Variants in MPP7 observed in about 807,000 individuals in gnomAD.
MPP7 encodes the protein MAGUK p55 subfamily member 7.
MPP7 carries 60 observed loss-of-function variants against 76.5 expected under a neutral mutation model. That is an observed-to-expected ratio of 0.78 (90% CI 0.64 to 0.97). MPP7 has a LOEUF of 0.97. MPP7 is among the 50% of genes least tolerant of loss of function. The probability of loss-of-function intolerance (pLI) is 0.00; values close to 1 mark genes in which losing one functional copy is unlikely to be tolerated. For missense variants in MPP7, 641 were observed against 694.0 expected, an observed-to-expected ratio of 0.92 and a Z score of 0.86; for synonymous variants, 237 against 244.5, an observed-to-expected ratio of 0.97 and a Z score of 0.29.
intron 1 of MPP7, among the ~76,000 whole-genome samples, chr10:28,281,334 C>T (rs1840666440): frequency 6.6e-6 from 1 of 152,052 alleles, no homozygotes; most frequent in Admixed American, 6.6e-5. Context: ...AGTGATCCAC[C>T]CACCTCGGCC....
chr10:28,226,796 G>A (rs12357236), intron 2 of MPP7, among the ~76,000 whole-genome samples: 26,332 of 151,948 alleles, frequency 0.17, 2,553 homozygotes, highest in African/African-American at 0.26. Context: ...AGCAGAACTC[G>A]CACTATTCCC....
At chr10:28,119,974 A>G (rs112611809) in intron 10 of MPP7, among the ~76,000 whole-genome samples, 17 of 151,630 alleles carry the variant, frequency 1.1e-4, no homozygotes, top group African/African-American at 3.9e-4. Flanking sequence ...GCTATTTTCC[A>G]TTTGCTTCAT....
chr10:28,132,413 C>T (rs1329925663), intron 5 of MPP7, among the ~76,000 whole-genome samples: 4 of 152,170 alleles, frequency 2.6e-5, no homozygotes, highest in South Asian at 2.1e-4. Flanking sequence ...TTCTCAATAA[C>T]CAATATATAT....
chr10:28,214,226 A>G (rs1564706848), intron 2 of MPP7, among the ~76,000 whole-genome samples: 1 of 152,192 alleles, frequency 6.6e-6, no homozygotes, highest in African/African-American at 2.4e-5. Flanking sequence ...ATTCTTTTCC[A>G]GCCACAGTGA....
chr10:28,316,470 A>C (rs77704781), intron 2 of MPP7, among the ~76,000 whole-genome samples: 5 of 138,414 alleles, frequency 3.6e-5, no homozygotes, highest in African/African-American at 8.2e-5. Flanking sequence ...AAAAAAAAAA[A>C]AACTATCTGA....
chr10:28,149,586 G>A (rs1023630639), intron 4 of MPP7, among the ~76,000 whole-genome samples: 9 of 151,972 alleles, frequency 5.9e-5, no homozygotes, highest in East Asian at 1.9e-4. Context: ...TGCCTCGTTC[G>A]TATCCTAGTA....
chr10:28,145,538 T>C (rs1835675881), intron 5 of MPP7, among the ~76,000 whole-genome samples: 1 of 152,192 alleles, frequency 6.6e-6, no homozygotes, highest in African/African-American at 2.4e-5. Context: ...GCTTAACTTG[T>C]TAAAGTAATA....
intron 3 of MPP7, among the ~76,000 whole-genome samples, chr10:28,198,112 A>AT (rs1491378133): frequency 6.6e-6 from 1 of 152,160 alleles, no homozygotes; most frequent in Non-Finnish European, 1.5e-5. Context: ...AGATTGCTAC[A>AT]TTTTTTCCTC....
intron 11 of MPP7, among the ~76,000 whole-genome samples, chr10:28,102,852 G>A (rs1275377832): frequency 6.6e-6 from 1 of 152,260 alleles, no homozygotes; most frequent in East Asian, 1.9e-4. Flanking sequence ...TGCTTCTGCT[G>A]TTTCTCCCTT....
At chr10:28,300,367 G>A (rs1364804146) in intron 1 of MPP7, among the ~76,000 whole-genome samples, 1 of 152,130 alleles carries the variant, frequency 6.6e-6, no homozygotes, top group Non-Finnish European at 1.5e-5. Context: ...TATCTTTCCA[G>A]TGTCCCACAA....
intron 3 of MPP7, among the ~76,000 whole-genome samples, chr10:28,183,882 G>A (rs1040583842): frequency 7.2e-5 from 11 of 152,120 alleles, no homozygotes; most frequent in African/African-American, 1.7e-4. Context: ...AAATCCTGGC[G>A]TATAGCATGG....
intron 2 of MPP7, among the ~76,000 whole-genome samples, chr10:28,325,796 A>T (rs539117248): frequency 1.2e-4 from 19 of 152,076 alleles, no homozygotes; most frequent in African/African-American, 4.6e-4. Context: ...GCCTGGCCGC[A>T]AGACCACATT....
chr10:28,238,681 T>C lies in MPP7; in HGVS notation c.-77A>G. On this transcript the variant is annotated 5_prime_UTR_variant, in exon 2 of 17. Coordinates refer to ENST00000683449, the MANE Select transcript of MPP7 (RefSeq NM_001318170.2). ...TCGGACAGCCACAGGGAATTCCAAT[T>C]CAACAGCCTGCAGCCACGTTGTCTA... 2.8e-6 allele frequency: 4 copies of C among 1,444,578 alleles called. No homozygotes were observed. Among genetic ancestry groups the C allele is most frequent in the Non-Finnish European group, 3.9e-6 (4 of 1,028,410 alleles). 89.5% of individuals were successfully genotyped at this position (1,444,578 alleles called of 1,614,324 possible). A position where few individuals can be genotyped will look rare whatever the true frequency, so the allele number is the denominator to read the frequency against.
At chr10:28,292,711 G>A (rs532663204) in intron 1 of MPP7, among the ~76,000 whole-genome samples, 21 of 152,262 alleles carry the variant, frequency 1.4e-4, no homozygotes, top group African/African-American at 4.8e-4. Flanking sequence ...ACAGGAGGGA[G>A]TCATTCTTCT....
At chr10:28,086,526 G>A (rs1853018124) in intron 12 of MPP7, among the ~76,000 whole-genome samples, 1 of 152,158 alleles carries the variant, frequency 6.6e-6, no homozygotes, top group Non-Finnish European at 1.5e-5. Context: ...CATTCAGACA[G>A]GAGAAGCGAA....
At chr10:28,249,062 A>G (rs1839527712) in intron 1 of MPP7, among the ~76,000 whole-genome samples, 1 of 152,162 alleles carries the variant, frequency 6.6e-6, no homozygotes, top group Non-Finnish European at 1.5e-5. Flanking sequence ...GGCTCCAAAC[A>G]TTAATTGAAT....
chr10:28,273,500 G>A (rs948645132), intron 1 of MPP7, among the ~76,000 whole-genome samples: 2 of 152,088 alleles, frequency 1.3e-5, no homozygotes, highest in African/African-American at 4.8e-5. Flanking sequence ...GCAATTGCTC[G>A]GCGTAGCCTC....
chr10:28,172,561 G>GA (rs11461575), intron 3 of MPP7, among the ~76,000 whole-genome samples: 18,017 of 152,242 alleles, frequency 0.12, 1,716 homozygotes, highest in African/African-American at 0.26. Context: ...AGCGGCAGCA[G>GA]AAAGTTGATT....
chr10:28,267,614 G>A (rs987510726), intron 1 of MPP7, among the ~76,000 whole-genome samples: 1 of 152,128 alleles, frequency 6.6e-6, no homozygotes, highest in African/African-American at 2.4e-5. Context: ...CTGGTATAAT[G>A]CAAATATTCC....
Sources: gnomAD v4.1 joint callset for allele counts (sites outside exome capture counted in the v4.1 genomes callset) on GRCh38, gnomAD v4.1.1 for gene constraint, MANE v1.5 for transcripts, NCBI Gene and HGNC (gene_info 2026-07-23, HGNC 2026-07-21) for gene names.